Variants in MGAT3 observed in about 807,000 individuals in gnomAD.
The protein encoded by MGAT3 is GlcNAc-T III.
In MGAT3, 9 loss-of-function variants were observed where a neutral mutation model predicts 29.8. The ratio of observed to expected loss-of-function variants is 0.30; its 90% CI spans 0.18 to 0.53. The LOEUF is 0.53. Among genes scored for constraint, MGAT3 ranks in the 20% least tolerant of loss-of-function variants. The pLI, the probability that MGAT3 is intolerant of heterozygous loss-of-function variation, is 0.96. For missense variants in MGAT3, 557 were observed against 769.5 expected, an observed-to-expected ratio of 0.72 and a Z score of 3.27; for synonymous variants, 397 against 348.9, an observed-to-expected ratio of 1.14 and a Z score of -1.54.
intron 1 of MGAT3, among the ~76,000 whole-genome samples, chr22:39,466,951 G>A (rs1272661699): frequency 3.3e-5 from 5 of 152,158 alleles, no homozygotes; most frequent in Admixed American, 2.0e-4. Flanking sequence ...CTGTCCATCC[G>A]TTCTTTCAGC....
chr22:39,486,816 AAT>A (rs1486268398), intron 1 of MGAT3, among the ~76,000 whole-genome samples: 1 of 152,192 alleles, frequency 6.6e-6, no homozygotes, highest in Non-Finnish European at 1.5e-5. Flanking sequence ...TTATTCATTA[AAT>A]ATGTTAGAAT....
chr22:39,476,235 T>C (rs1412246679), intron 1 of MGAT3, among the ~76,000 whole-genome samples: 1 of 152,124 alleles, frequency 6.6e-6, no homozygotes, highest in African/African-American at 2.4e-5. Context: ...GGATGGGTCT[T>C]GGGCTGAGCC....
intron 1 of MGAT3, among the ~76,000 whole-genome samples, chr22:39,481,748 C>T (rs1929132471): frequency 6.6e-6 from 1 of 152,198 alleles, no homozygotes; most frequent in South Asian, 2.1e-4. Flanking sequence ...CCGTGATTGA[C>T]CCTATAGGAT....
chr22:39,473,680 C>G (rs774894766), intron 1 of MGAT3, among the ~76,000 whole-genome samples: 1 of 152,086 alleles, frequency 6.6e-6, no homozygotes, highest in Non-Finnish European at 1.5e-5. Context: ...GCCAGGCTAG[C>G]TGGAGGCCAG....
chr22:39,467,948 C>G (rs1928703797), intron 1 of MGAT3, among the ~76,000 whole-genome samples: 1 of 151,936 alleles, frequency 6.6e-6, no homozygotes, highest in East Asian at 1.9e-4. Flanking sequence ...GGCCGCCACC[C>G]TCACCTTGAT....
chr22:39,491,757 C>G lies in MGAT3; in HGVS notation c.*2808C>G, dbSNP rs970542343. ...GGGCAGAAGAACCCAGGGCCACTCC[C>G]TCAATATGAAGGGAAACCAAGCTGA... On this transcript the variant is annotated 3_prime_UTR_variant, in exon 2 of 2. Transcript: ENST00000341184. The surrounding 1 kb of genome is among the most constrained non-coding windows in gnomAD (Gnocchi z 5.5). 1 of 167,178 alleles carries G rather than the reference C, an allele frequency of 6.0e-6. No individual in the cohort carries two copies. The highest frequency in any genetic ancestry group is 1.5e-5 in the Non-Finnish European group (1 of 68,170). The allele number at this position is 167,178 out of a possible 1,614,324, so 10.4% of individuals were successfully genotyped here.
chr22:39,465,221 C>T (rs972335019), intron 1 of MGAT3, among the ~76,000 whole-genome samples: 8 of 152,206 alleles, frequency 5.3e-5, no homozygotes, highest in Non-Finnish European at 7.3e-5. Flanking sequence ...CAGTCCCACA[C>T]GGGCCTGGTG....
At chr22:39,461,256 CAG>C (rs1388774438) in intron 1 of MGAT3, among the ~76,000 whole-genome samples, 5 of 152,240 alleles carry the variant, frequency 3.3e-5, no homozygotes, top group Admixed American at 6.5e-5. Flanking sequence ...GGAAAGGATG[CAG>C]AGAGTGTTGG....
chr22:39,477,914 C>A (rs140100748), intron 1 of MGAT3, among the ~76,000 whole-genome samples: 106 of 152,342 alleles, frequency 7.0e-4, no homozygotes, highest in African/African-American at 2.5e-3. Flanking sequence ...ACCTCCGTAT[C>A]GTGGAGGGGG....
chr22:39,483,971 T>G (rs1332046342), intron 1 of MGAT3, among the ~76,000 whole-genome samples: 1 of 152,152 alleles, frequency 6.6e-6, no homozygotes, highest in Non-Finnish European at 1.5e-5. Context: ...CTGCCCTGAT[T>G]GTCGGGATCA....
At chr22:39,485,713 T>C (rs1317125745) in intron 1 of MGAT3, among the ~76,000 whole-genome samples, 1 of 152,088 alleles carries the variant, frequency 6.6e-6, no homozygotes, top group African/African-American at 2.4e-5. Context: ...TCCTTGAACC[T>C]GGGAGGCAGG....
In MGAT3 at chr22:39,492,073, G is replaced by A. The variant is rs970594485; in HGVS notation, c.*3124G>A. Reference sequence around the variant, plus strand: ...TAATAGTATTATTTTTTTTGTAAGGGAAAATCAATATGTACATTCTGAAAT... The same window carrying A: ...TAATAGTATTATTTTTTTTGTAAGGAAAAATCAATATGTACATTCTGAAAT... On this transcript the variant is annotated 3_prime_UTR_variant, in exon 2 of 2. Transcript: ENST00000341184. 2 of 167,146 alleles carry A rather than the reference G, an allele frequency of 1.2e-5. No individual in the cohort carries two copies. The highest frequency in any genetic ancestry group is 1.3e-4 in the Admixed American group (2 of 15,278). The allele number at this position is 167,146 out of a possible 1,614,324, so 10.4% of individuals were successfully genotyped here. A position where few individuals can be genotyped will look rare whatever the true frequency, so the allele number is the denominator to read the frequency against.
At position 39,463,051 on chromosome 22, in the gene MGAT3, C is replaced by T. The variant is rs560633310; in HGVS notation, c.-2+5494C>T. Reference sequence around the variant, plus strand: ...GGGTTCTAAGTGAGGGAGGCCGGCCCGAGTGGGTTCTGGGACTCTGGCTGG... The same window carrying T: ...GGGTTCTAAGTGAGGGAGGCCGGCCTGAGTGGGTTCTGGGACTCTGGCTGG... On this transcript the variant is annotated intron_variant, in intron 1 of 1. Coordinates refer to ENST00000341184, the MANE Select transcript of MGAT3 (RefSeq NM_002409.5). Among the ~76,000 whole-genome samples the T allele has an allele frequency of 3.3e-5, 5 of 152,252 alleles. No individual in the cohort carries two copies. The South Asian group carries it at 8.3e-4, about 25-fold the overall frequency.
In MGAT3 at chr22:39,457,356, T is replaced by TG. The variant is rs1928359766; in HGVS notation, c.-198dup. ...CCGGGTCCCCGGGACGGGGTGGAAG[T>TG]GGGGGTGGGGGGAGGGGATCGGGGC... On this transcript the variant is annotated 5_prime_UTR_variant, in exon 1 of 2. Transcript: ENST00000341184. The surrounding 1 kb of genome is among the most constrained non-coding windows in gnomAD (Gnocchi z 6.8). 1.6e-4 allele frequency: 1 copy of TG among 6,408 alleles called. No individual in the cohort carries two copies. The highest frequency in any genetic ancestry group is 3.4e-3 in the East Asian group (1 of 290). 0.4% of individuals were successfully genotyped at this position (6,408 alleles called of 1,614,324 possible). A position where few individuals can be genotyped will look rare whatever the true frequency, so the allele number is the denominator to read the frequency against.
In MGAT3 at chr22:39,490,365, A is replaced by G. The variant is rs1302620267; in HGVS notation, c.*1416A>G. The G allele has an allele frequency of 1.2e-5, 2 of 167,082 alleles. No individual in the cohort carries two copies. Among genetic ancestry groups the G allele is most frequent in the African/African-American group, 2.4e-5 (1 of 41,444 alleles). The allele number at this position is 167,082 out of a possible 1,614,324, so 10.3% of individuals were successfully genotyped here. On this transcript the variant is annotated 3_prime_UTR_variant, in exon 2 of 2. Transcript: ENST00000341184. ...AGTCACATGGCCACAAGCAGCTGCT[A>G]GGGAACCTGGGAAGTGTAGTCTTCA...
chr22:39,465,223 G>C (rs1928606821), intron 1 of MGAT3, among the ~76,000 whole-genome samples: 1 of 152,190 alleles, frequency 6.6e-6, no homozygotes, highest in Non-Finnish European at 1.5e-5. Context: ...GTCCCACACG[G>C]GCCTGGTGTC....
At position 39,489,072 on chromosome 22, in the gene MGAT3, T is replaced by TGGGTTGGGGGGGG; in HGVS notation, c.*126_*127insTTGGGGGGGGGGG. 2.7e-6 allele frequency: 1 copy of TGGGTTGGGGGGGG among 365,000 alleles called. No homozygotes were observed. The highest frequency in any genetic ancestry group is 6.0e-5 in the East Asian group (1 of 16,730). 22.6% of individuals were successfully genotyped at this position (365,000 alleles called of 1,614,324 possible). A position where few individuals can be genotyped will look rare whatever the true frequency, so the allele number is the denominator to read the frequency against. ...ACCAGGAGTGGGTGGGGAGTGGGGG[T>TGGGTTGGGGGGGG]GGGGGTAGGGTTTCCCTACTGAAGC... On this transcript the variant is annotated 3_prime_UTR_variant, in exon 2 of 2. Transcript: ENST00000341184.
At position 39,487,857 on chromosome 22, in the gene MGAT3, G is replaced by A. The variant is rs1293917027; in HGVS notation, c.510G>A (p.Glu170=). The A allele has an allele frequency of 6.5e-7, 1 of 1,547,490 alleles. No homozygotes were observed. Among genetic ancestry groups the A allele is most frequent in the Non-Finnish European group, 8.7e-7 (1 of 1,149,166 alleles). ...GGRGARRKWV[E]CVCLPGWHGP... is the part of the protein sequence containing the mutation. ...GAGGCGCCCGGCGCAAGTGGGTGGA[G>A]TGCGTGTGCCTGCCCGGCTGGCACG... is the stretch of plus-strand genomic sequence containing the variant. The change falls in exon 2 of 2, where the codon GAG becomes GAA. Residue 170 remains glutamate, a synonymous_variant. Transcript: ENST00000341184. This position sits in a 1 kb window ranked among gnomAD's most constrained non-coding sequence, Gnocchi z 5.7.
intron 1 of MGAT3, among the ~76,000 whole-genome samples, chr22:39,472,547 C>T (rs926580094): frequency 1.3e-5 from 2 of 152,136 alleles, no homozygotes; most frequent in African/African-American, 4.8e-5. Context: ...CTGACAGGCT[C>T]TCCACCTGTA....
Sources: allele counts gnomAD v4.1 joint callset (sites outside exome capture counted in the v4.1 genomes callset), GRCh38; gene constraint gnomAD v4.1.1; non-coding constraint Gnocchi (gnomAD v3.1); transcripts MANE v1.5; gene names NCBI Gene and HGNC (gene_info 2026-07-23, HGNC 2026-07-21).